The following DNAH9 variants were observed in gnomAD, a reference collection of about 807,000 sequenced individuals.
DNAH9 encodes DNAH9 variant protein.
In DNAH9, 345 loss-of-function variants were observed where a neutral mutation model predicts 471.6. The observed-to-expected ratio is 0.73, with a 90% CI of 0.67 to 0.80. The LOEUF (loss-of-function observed/expected upper bound fraction) is 0.80, where lower values mean the gene tolerates loss of function less well. DNAH9 is among the 30% of genes least tolerant of loss of function. The pLI, the probability that DNAH9 is intolerant of heterozygous loss-of-function variation, is 0.00. For missense variants in DNAH9, 5,407 were observed against 5,609.2 expected (o/e 0.96, Z 1.15); for synonymous variants, 2,093 against 2,123.6 (o/e 0.99, Z 0.40).
intron 18 of DNAH9, among the ~76,000 whole-genome samples, chr17:11,680,311 TAACC>T (rs1248551834): frequency 6.6e-6 from 1 of 150,432 alleles, no homozygotes; most frequent in Non-Finnish European, 1.5e-5. Flanking sequence ...TAAAAGAAAA[TAACC>T]AAGCAACCCT....
chr17:11,963,620 A>G (rs1976435292), intron 68 of DNAH9, among the ~76,000 whole-genome samples: 2 of 152,134 alleles, frequency 1.3e-5, no homozygotes, highest in Non-Finnish European at 2.9e-5. Flanking sequence ...TTCCCATGTA[A>G]CAAATCTGCA....
chr17:11,952,096 G>A (rs1466574831), intron 67 of DNAH9, among the ~76,000 whole-genome samples: 3 of 150,770 alleles, frequency 2.0e-5, no homozygotes, highest in African/African-American at 7.3e-5. Context: ...TTTTCTGTCT[G>A]GTAATGTAAA....
At chr17:11,879,498 T>C (rs1282460203) in intron 53 of DNAH9, among the ~76,000 whole-genome samples, 2 of 152,200 alleles carry the variant, frequency 1.3e-5, no homozygotes, top group Non-Finnish European at 2.9e-5. Context: ...ATTATTGTTA[T>C]TCTTTGTTTG....
At chr17:11,878,371 G>A (rs1036119219) in intron 53 of DNAH9, among the ~76,000 whole-genome samples, 3 of 152,076 alleles carry the variant, frequency 2.0e-5, no homozygotes, top group Admixed American at 6.5e-5. Context: ...AAATTTGTTC[G>A]TCTCATTTGT....
chr17:11,601,382 G>GAGGA (rs1189497597), intron 1 of DNAH9, among the ~76,000 whole-genome samples: 5 of 151,844 alleles, frequency 3.3e-5, no homozygotes, highest in African/African-American at 1.2e-4. Flanking sequence ...GAGAGGGAGG[G>GAGGA]AGGAAGAGAG....
At chr17:11,607,014 G>A (rs1464023389) in intron 1 of DNAH9, among the ~76,000 whole-genome samples, 1 of 152,064 alleles carries the variant, frequency 6.6e-6, no homozygotes, top group Non-Finnish European at 1.5e-5. Context: ...GATGAATACT[G>A]AAAAAAGAGG....
chr17:11,644,446 G>A (rs2056630071), intron 10 of DNAH9, among the ~76,000 whole-genome samples, 185 bp from the exon 11 acceptor site: 1 of 152,128 alleles, frequency 6.6e-6, no homozygotes, highest in Admixed American at 6.6e-5. Context: ...CTGCGTTTCA[G>A]GAAGTGCAGA....
intron 52 of DNAH9, among the ~76,000 whole-genome samples, chr17:11,872,799 A>G (rs573637250): frequency 5.3e-5 from 8 of 152,332 alleles, no homozygotes; most frequent in Admixed American, 5.2e-4. Flanking sequence ...GGGCGCCTGT[A>G]ATCCCAGCTA....
At chr17:11,765,631 A>C (rs1967902129) in intron 36 of DNAH9, among the ~76,000 whole-genome samples, 1 of 152,168 alleles carries the variant, frequency 6.6e-6, no homozygotes, top group South Asian at 2.1e-4. Flanking sequence ...GAAGTCTCCA[A>C]GGACAGGAGG....
At chr17:11,798,705 T>A (rs542813468) in intron 43 of DNAH9, among the ~76,000 whole-genome samples, 8 of 152,192 alleles carry the variant, frequency 5.3e-5, no homozygotes, top group Non-Finnish European at 8.8e-5. Flanking sequence ...CTCACGGTCT[T>A]AGCAACAATA....
At chr17:11,903,793 C>T (rs1436780830) in intron 60 of DNAH9, among the ~76,000 whole-genome samples, 1 of 152,058 alleles carries the variant, frequency 6.6e-6, no homozygotes, top group Non-Finnish European at 1.5e-5. Context: ...TTCCTGTAGT[C>T]CCAGCTACTT....
chr17:11,831,460 C>G (rs1970682254), intron 48 of DNAH9, among the ~76,000 whole-genome samples: 1 of 151,976 alleles, frequency 6.6e-6, no homozygotes, highest in South Asian at 2.1e-4. Flanking sequence ...CATGATGGAC[C>G]CGCCCCCATG....
At chr17:11,743,699 C>G (rs536632312) in intron 30 of DNAH9, among the ~76,000 whole-genome samples, 1 of 152,296 alleles carries the variant, frequency 6.6e-6, no homozygotes, top group South Asian at 2.1e-4. Flanking sequence ...ACTTCTTTTT[C>G]GTCTGTGCCT....
Position 11,784,441 on chromosome 17 carries a change from G to T in DNAH9, c.7963G>T (p.Ala2655Ser). The T allele has an allele frequency of 6.2e-7, 1 of 1,614,058 alleles. No individual in the cohort carries two copies. The highest frequency in any genetic ancestry group is 8.5e-7 in the Non-Finnish European group (1 of 1,180,020). ...QKSIPPLIDL[A>S]LAFHQKIATT... ...ATCCATCCCCCCACTGATCGATCTGGCCCTCGCCTTCCACCAGAAAATTGC... is the reference window on the plus strand; with the variant it reads ...ATCCATCCCCCCACTGATCGATCTGTCCCTCGCCTTCCACCAGAAAATTGC... The change falls in exon 41 of 69, where the codon GCC becomes TCC. Residue 2655 changes from alanine to serine, a missense_variant. Ala to Ser is a moderately conservative substitution (Grantham distance 99, BLOSUM62 1). This residue lies in a region of DNAH9 where 4,636 missense variants were observed against 4,900.3 expected (regional missense o/e 0.95). Coordinates refer to ENST00000262442, the MANE Select transcript of DNAH9 (RefSeq NM_001372.4).
chr17:11,634,640 T>G (rs1469496450), intron 8 of DNAH9, among the ~76,000 whole-genome samples: 1 of 152,218 alleles, frequency 6.6e-6, no homozygotes, highest in African/African-American at 2.4e-5. Flanking sequence ...GGTGATTGTT[T>G]TGTGAAAGAA....
chr17:11,694,555 C>CT, intron 22 of DNAH9, 108 bp downstream of exon 22: 1 of 1,205,184 alleles, frequency 8.3e-7, no homozygotes, highest in Non-Finnish European at 1.2e-6. Context: ...AGGTTCTGTA[C>CT]TTCAGACCTG....
intron 52 of DNAH9, 69 bp from the exon 53 acceptor site, chr17:11,874,880 A>T: frequency 2.7e-6 from 3 of 1,128,496 alleles, no homozygotes; most frequent in Non-Finnish European, 4.0e-6. Context: ...TTGGTGAGTA[A>T]CTGCATTCAT....
At position 11,834,662 on chromosome 17, in the gene DNAH9, G is replaced by A. The variant is rs772487003; in HGVS notation, c.9271G>A (p.Ala3091Thr). 6.2e-7 allele frequency: 1 copy of A among 1,614,108 alleles called. No homozygotes were observed. Among genetic ancestry groups the A allele is most frequent in the East Asian group, 2.2e-5 (1 of 44,884 alleles). Residue 3091 changes from alanine (A) to threonine (T), a missense_variant, in exon 49 of 69, where the codon GCT becomes ACT. Physicochemically the swap from Ala to Thr is moderately conservative, Grantham distance 58 (BLOSUM62 0). This residue lies in a region of DNAH9 where 4,636 missense variants were observed against 4,900.3 expected (regional missense o/e 0.95). Coordinates refer to ENST00000262442, the MANE Select transcript of DNAH9 (RefSeq NM_001372.4). Reference sequence around the variant, plus strand: ...GGTGGATGATCTGAAAGCAAAGCTGGCTGCCCAGGAAGTAGAGCTGAAGCA... The same window carrying A: ...GGTGGATGATCTGAAAGCAAAGCTGACTGCCCAGGAAGTAGAGCTGAAGCA... Reference protein sequence around the residue: ...AQVDDLKAKLAAQEVELKQKN... With the variant: ...AQVDDLKAKLTAQEVELKQKN...
At chr17:11,766,107 G>A (rs981691139) in intron 36 of DNAH9, among the ~76,000 whole-genome samples, 3 of 152,086 alleles carry the variant, frequency 2.0e-5, no homozygotes, top group Non-Finnish European at 4.4e-5. Context: ...AAAGCTTTTA[G>A]CAGCAGGGCA....
Sources: gnomAD v4.1 joint callset for allele counts (sites outside exome capture counted in the v4.1 genomes callset) on GRCh38, gnomAD v4.1.1 for gene constraint, gnomAD v4.1.1 regional missense constraint, MANE v1.5 for transcripts, NCBI Gene and HGNC (gene_info 2026-07-23, HGNC 2026-07-21) for gene names.